Variants in LUC7L3 observed in about 807,000 individuals in gnomAD.
The protein encoded by LUC7L3 is luc7-like protein 3.
LUC7L3 carries 6 observed loss-of-function variants against 66.8 expected under a neutral mutation model. The observed-to-expected ratio is 0.09, with a 90% CI of 0.05 to 0.18. LUC7L3 has a LOEUF of 0.18. Among genes scored for constraint, LUC7L3 ranks in the 10% least tolerant of loss-of-function variants. The pLI is 1.00. For missense variants in LUC7L3, 341 were observed against 531.1 expected (o/e 0.64, Z 3.52); for synonymous variants, 160 against 174.7 (o/e 0.92, Z 0.66).
intron 1 of LUC7L3, among the ~76,000 whole-genome samples, chr17:50,720,230 C>T (rs1297779981): frequency 1.3e-5 from 2 of 152,204 alleles, no homozygotes; most frequent in African/African-American, 4.8e-5. Flanking sequence ...GACCAGGATT[C>T]ATGGTAAAAA....
Position 50,750,710 on chromosome 17 carries a change from C to T in LUC7L3, c.*49C>T, listed in dbSNP as rs1368038951. On this transcript the variant is annotated 3_prime_UTR_variant, in exon 10 of 10. Coordinates refer to ENST00000505658, the MANE Select transcript of LUC7L3 (RefSeq NM_016424.5). ...TCAGACAGAGGTAAGTGTATTGTTTCTCACTTTGATTAGGGCTTTTTGTTA... is the reference window on the plus strand; with the variant it reads ...TCAGACAGAGGTAAGTGTATTGTTTTTCACTTTGATTAGGGCTTTTTGTTA... 6.2e-7 allele frequency: 1 copy of T among 1,613,820 alleles called. No homozygotes were observed. Among genetic ancestry groups the T allele is most frequent in the African/African-American group, 1.3e-5 (1 of 74,908 alleles).
intron 1 of LUC7L3, among the ~76,000 whole-genome samples, chr17:50,729,896 TTATATATATATATA>T (rs1156777167): frequency 0.032 from 2,120 of 65,248 alleles, 42 homozygotes; most frequent in Non-Finnish European, 0.04. Context: ...TATAAATACA[TTATATATATATATA>T]TATATATATA....
intron 2 of LUC7L3, among the ~76,000 whole-genome samples, chr17:50,738,858 C>T (rs761510817): frequency 8.5e-5 from 13 of 152,074 alleles, no homozygotes; most frequent in Non-Finnish European, 1.3e-4. Flanking sequence ...TGAAAAAGAT[C>T]CATACCTAGG....
intron 1 of LUC7L3, among the ~76,000 whole-genome samples, chr17:50,727,065 GCTGACAGAGCGAGACTTTGT>G (rs1286263821): frequency 1.3e-5 from 2 of 152,074 alleles, no homozygotes; most frequent in African/African-American, 2.4e-5. Flanking sequence ...CTCCAGCCTG[GCTGACAGAGCGAGACTTTGT>G]CTCAAAAAAA....
chr17:50,724,556 A>G (rs1443180642), intron 1 of LUC7L3, among the ~76,000 whole-genome samples: 1 of 151,550 alleles, frequency 6.6e-6, no homozygotes, highest in Non-Finnish European at 1.5e-5. Flanking sequence ...ACAATACCAT[A>G]ATCACTGAAA....
At chr17:50,724,643 G>GTGTGTGTGTGTT (rs1969040492) in intron 1 of LUC7L3, among the ~76,000 whole-genome samples, 1 of 140,656 alleles carries the variant, frequency 7.1e-6, no homozygotes, top group Admixed American at 7.2e-5. Flanking sequence ...GTGTGTGTGT[G>GTGTGTGTGTGTT]TGTCATTATA....
intron 9 of LUC7L3, among the ~76,000 whole-genome samples, chr17:50,748,007 G>C (rs1213853445): frequency 6.6e-6 from 1 of 152,226 alleles, no homozygotes; most frequent in Non-Finnish European, 1.5e-5. Context: ...CAACTCTTAA[G>C]AGCCAGGTAT....
rs1970488083 is a variant in LUC7L3, at chr17:50,743,618, A to T, written c.427-88A>T. ...AAATGAAACCAAACAAAAAAGATGG[A>T]AAACAACCACTAATGAACCATGGGG... On this transcript the variant is annotated intron_variant, in intron 5 of 9. Coordinates refer to ENST00000505658, the MANE Select transcript of LUC7L3 (RefSeq NM_016424.5). 5 of 797,608 alleles carry T rather than the reference A, an allele frequency of 6.3e-6. No homozygotes were observed. In the East Asian group the frequency reaches 1.3e-4, roughly 21 times the overall value. 49.4% of individuals were successfully genotyped at this position (797,608 alleles called of 1,614,324 possible). A position where few individuals can be genotyped will look rare whatever the true frequency, so the allele number is the denominator to read the frequency against.
intron 2 of LUC7L3, among the ~76,000 whole-genome samples, chr17:50,740,087 T>C (rs1332162647): frequency 2.6e-5 from 4 of 152,242 alleles, no homozygotes; most frequent in African/African-American, 9.6e-5. Context: ...ATATGGTTGC[T>C]GTCCATTATA....
intron 6 of LUC7L3, 35 bp downstream of exon 6, chr17:50,743,845 C>T (rs770851566): frequency 7.0e-7 from 1 of 1,423,340 alleles, no homozygotes; most frequent in Non-Finnish European, 9.8e-7. Flanking sequence ...TCTCATCTGT[C>T]TGTTAACAGT....
rs1567881094 is a variant in LUC7L3 at position 50,750,973 on chromosome 17, T to A, written c.*312T>A. The A allele has an allele frequency of 1.3e-6, 2 of 1,484,192 alleles. No homozygotes were observed. The highest frequency in any genetic ancestry group is 1.8e-6 in the Non-Finnish European group (2 of 1,125,650). The allele number at this position is 1,484,192 out of a possible 1,614,324, so 91.9% of individuals were successfully genotyped here. A position where few individuals can be genotyped will look rare whatever the true frequency, so the allele number is the denominator to read the frequency against. ...ATTGAAAAGTTAATTATCCTTTTTT[T>A]AGGGATTTTGATGTCATTTCTTTTT... On this transcript the variant is annotated 3_prime_UTR_variant, in exon 10 of 10. Coordinates refer to ENST00000505658, the MANE Select transcript of LUC7L3 (RefSeq NM_016424.5).
At chr17:50,741,609 T>C (rs1410910497) in intron 4 of LUC7L3, 48 bp from the exon 5 acceptor site, 1 of 1,206,094 alleles carries the variant, frequency 8.3e-7, no homozygotes. Flanking sequence ...TTTGCATGTT[T>C]ATCTTTGTTT....
rs547211316 is a variant in LUC7L3 at position 50,726,152 on chromosome 17, G to A, written c.99+6321G>A. On this transcript the variant is annotated intron_variant, in intron 1 of 9. Coordinates refer to ENST00000505658, the MANE Select transcript of LUC7L3 (RefSeq NM_016424.5). ...TTTCATCATTGTTTATTGCAATACC[G>A]TATAAACTTGTTGTTTTGCTTTTTG... 7.1e-5 allele frequency among the ~76,000 whole-genome samples: 7 copies of A among 98,156 alleles called. No homozygotes were observed. The South Asian group carries it at 8.3e-4, about 12-fold the overall frequency. 64.4% of individuals were successfully genotyped at this position (98,156 alleles called of 152,430 possible).
chr17:50,738,399 A>G (rs376623011), intron 2 of LUC7L3, among the ~76,000 whole-genome samples: 1 of 152,226 alleles, frequency 6.6e-6, no homozygotes, highest in Non-Finnish European at 1.5e-5. Context: ...ACAAGAGATT[A>G]ACAAAACCAA....
intron 1 of LUC7L3, among the ~76,000 whole-genome samples, chr17:50,727,923 T>C (rs1177680541): frequency 2.0e-5 from 3 of 147,642 alleles, no homozygotes; most frequent in Non-Finnish European, 4.5e-5. Context: ...GCTAACATGG[T>C]GAAACCCCAT....
chr17:50,738,892 C>A (rs999270288), intron 2 of LUC7L3, among the ~76,000 whole-genome samples: 2 of 151,962 alleles, frequency 1.3e-5, no homozygotes, highest in African/African-American at 2.4e-5. Context: ...AATTTTAGAA[C>A]ACGGGGGTGG....
rs975924434 is a variant in LUC7L3, at chr17:50,755,100, T to A, written c.*4439T>A. 1 of 152,246 alleles carries A rather than the reference T, an allele frequency of 6.6e-6. No homozygotes were observed. Among genetic ancestry groups the A allele is most frequent in the Admixed American group, 6.5e-5 (1 of 15,290 alleles). 9.4% of individuals were successfully genotyped at this position (152,246 alleles called of 1,614,324 possible). A position where few individuals can be genotyped will look rare whatever the true frequency, so the allele number is the denominator to read the frequency against. On this transcript the variant is annotated 3_prime_UTR_variant, in exon 10 of 10. Transcript: ENST00000505658. Reference sequence around the variant, plus strand: ...TGCAGGATTGGTTTTCAAGTTTGATTTCCTGAGGGATTTTTTAGTTGTTTG... The same window carrying A: ...TGCAGGATTGGTTTTCAAGTTTGATATCCTGAGGGATTTTTTAGTTGTTTG...
Position 50,750,949 on chromosome 17 carries a change from T to C in LUC7L3, c.*288T>C, listed in dbSNP as rs1970948293. On this transcript the variant is annotated 3_prime_UTR_variant, in exon 10 of 10. Transcript: ENST00000505658. ...GCCCACATTTGTAATATAGTCGCCATTGAAAAGTTAATTATCCTTTTTTTA... is the reference window on the plus strand; with the variant it reads ...GCCCACATTTGTAATATAGTCGCCACTGAAAAGTTAATTATCCTTTTTTTA... 3 of 1,508,086 alleles carry C rather than the reference T, an allele frequency of 2.0e-6. No homozygotes were observed. The highest frequency in any genetic ancestry group is 1.3e-5 in the South Asian group (1 of 78,812). The allele number at this position is 1,508,086 out of a possible 1,614,324, so 93.4% of individuals were successfully genotyped here.
In LUC7L3 at chr17:50,745,770, AAAG is replaced by A; in HGVS notation, c.745_747del (p.Lys249del). 6.3e-7 allele frequency: 1 copy of A among 1,597,526 alleles called. No individual in the cohort carries two copies. Among genetic ancestry groups the A allele is most frequent in the Non-Finnish European group, 8.5e-7 (1 of 1,175,418 alleles). ...AACCTGATCGTGATGAGCGTCTAAA[AAAG>A]GAGAAGCAAGAAAGAGAAGAAAGAG... On this transcript the variant is annotated inframe_deletion, in exon 8 of 10. Coordinates refer to ENST00000505658, the MANE Select transcript of LUC7L3 (RefSeq NM_016424.5).
Sources: allele counts gnomAD v4.1 joint callset (sites outside exome capture counted in the v4.1 genomes callset), GRCh38; gene constraint gnomAD v4.1.1; transcripts MANE v1.5; gene names NCBI Gene and HGNC (gene_info 2026-07-23, HGNC 2026-07-21).